The following PAX7 variants were observed in gnomAD, a reference collection of about 807,000 sequenced individuals.
PAX7 encodes the protein paired box protein Pax-7.
Under a neutral mutation model 50.7 loss-of-function variants are expected in PAX7, and 18 were observed. The ratio of observed to expected loss-of-function variants is 0.36; its 90% CI spans 0.25 to 0.53. The LOEUF is 0.53. Ranked by LOEUF, PAX7 falls within the 20% of genes least tolerant of loss-of-function variation. PAX7 has a pLI of 0.93. For missense variants in PAX7, 644 were observed against 702.9 expected, an observed-to-expected ratio of 0.92 and a Z score of 0.95; for synonymous variants, 310 against 290.4, an observed-to-expected ratio of 1.07 and a Z score of -0.69.
chr1:18,672,386 T>C (rs940545322), intron 4 of PAX7, among the ~76,000 whole-genome samples: 4 of 152,086 alleles, frequency 2.6e-5, no homozygotes, highest in Non-Finnish European at 4.4e-5. Flanking sequence ...CTTTTTTTTG[T>C]TTAGAAACAT....
chr1:18,744,004 C>T (rs1931288152), intron 8 of PAX7, among the ~76,000 whole-genome samples: 1 of 152,220 alleles, frequency 6.6e-6, no homozygotes, highest in African/African-American at 2.4e-5. Context: ...CTCAGGCACA[C>T]ACACCCTCAG....
intron 4 of PAX7, among the ~76,000 whole-genome samples, chr1:18,657,901 T>C (rs977418577): frequency 2.6e-5 from 4 of 152,114 alleles, no homozygotes; most frequent in African/African-American, 9.7e-5. Flanking sequence ...CCCAAAAGTT[T>C]ATTAAGGGAA....
rs180750065 is a variant in PAX7, at chr1:18,704,015, A to C, written c.1155+719A>C. On this transcript the variant is annotated intron_variant, in intron 7 of 8. Transcript: ENST00000420770. ...AAAGAGAGTCTGTAACTAACGTCTC[A>C]ACAAGAGGTGCTTGCCACATTCAAT... 8.9e-4 allele frequency among the ~76,000 whole-genome samples: 136 copies of C among 152,350 alleles called. 1 individual carries two copies. The highest frequency in any genetic ancestry group is 6.8e-3 in the South Asian group (33 of 4,826).
In PAX7 at chr1:18,635,243, G is replaced by T; in HGVS notation, c.451+3G>T. ...TGACCGAAGCACTGTGCCCTCAGGT[G>T]AGAAGGCAGCTGAGCCGGCAGAGCT... On this transcript the variant is annotated splice_donor_region_variant and intron_variant, in intron 3 of 8. Coordinates refer to ENST00000420770, the MANE Select transcript of PAX7 (RefSeq NM_001135254.2). 6.2e-7 allele frequency: 1 copy of T among 1,613,266 alleles called. No individual in the cohort carries two copies. Among genetic ancestry groups the T allele is most frequent in the South Asian group, 1.1e-5 (1 of 90,972 alleles).
At chr1:18,733,399 C>A (rs1465676365) in intron 7 of PAX7, among the ~76,000 whole-genome samples, 1 of 152,164 alleles carries the variant, frequency 6.6e-6, no homozygotes, top group East Asian at 1.9e-4. Flanking sequence ...TCCTGCCTCC[C>A]AGGCAGACTT....
At position 18,726,145 on chromosome 1, in the gene PAX7, AGTGTGTGT is replaced by A. The variant is rs35982827; in HGVS notation, c.1156-9460_1156-9453del. On this transcript the variant is annotated intron_variant, in intron 7 of 8. Transcript: ENST00000420770. The surrounding 1 kb of genome is among the most constrained non-coding windows in gnomAD (Gnocchi z 4.8). ...ATAAAACAGACATTGGAAGAGTGTG[AGTGTGTGT>A]GTGTGTGTGTGTGTGTGTGTGTGTG... Among the ~76,000 whole-genome samples, 330 of 137,612 alleles carry A rather than the reference AGTGTGTGT, an allele frequency of 2.4e-3. 4 individuals are homozygous for A. Among genetic ancestry groups the A allele is most frequent in the South Asian group, 4.4e-3 (18 of 4,048 alleles). 90.3% of individuals were successfully genotyped at this position (137,612 alleles called of 152,430 possible).
intron 4 of PAX7, among the ~76,000 whole-genome samples, chr1:18,670,763 A>G (rs776610966): frequency 7.9e-5 from 12 of 152,196 alleles, no homozygotes; most frequent in Non-Finnish European, 1.3e-4. Context: ...GGCCCGTGCG[A>G]GTCCCTCCAC....
At chr1:18,717,490 G>T (rs1461993611) in intron 7 of PAX7, among the ~76,000 whole-genome samples, 2 of 152,176 alleles carry the variant, frequency 1.3e-5, no homozygotes. Context: ...CGCTTAGCCA[G>T]CTCTGCTCAT....
intron 7 of PAX7, among the ~76,000 whole-genome samples, chr1:18,732,268 A>G (rs1486661650): frequency 6.6e-6 from 1 of 152,224 alleles, no homozygotes; most frequent in African/African-American, 2.4e-5. Context: ...CCAGGAGGAC[A>G]TGGGATTGGC....
chr1:18,670,516 A>G (rs1432199842), intron 4 of PAX7, among the ~76,000 whole-genome samples: 1 of 152,150 alleles, frequency 6.6e-6, no homozygotes, highest in African/African-American at 2.4e-5. Context: ...GCCCTAGCCC[A>G]GGCCTTGTTC....
intron 4 of PAX7, among the ~76,000 whole-genome samples, chr1:18,648,817 A>T (rs1380944415): frequency 6.6e-6 from 1 of 152,142 alleles, no homozygotes; most frequent in African/African-American, 2.4e-5. Context: ...CCGAGCCGAG[A>T]ATGTACCGGA....
At chr1:18,724,907 G>A (rs1265205686) in intron 7 of PAX7, among the ~76,000 whole-genome samples, 2 of 152,206 alleles carry the variant, frequency 1.3e-5, no homozygotes, top group African/African-American at 2.4e-5. Context: ...AGGCACTGAC[G>A]AAGGCAATAC....
intron 1 of PAX7, among the ~76,000 whole-genome samples, chr1:18,633,791 G>T (rs1557498180): frequency 6.6e-6 from 1 of 152,164 alleles, no homozygotes; most frequent in Non-Finnish European, 1.5e-5. Flanking sequence ...CAACAAACTG[G>T]ATCATTCATG....
chr1:18,729,628 T>C (rs1308294705), intron 7 of PAX7, among the ~76,000 whole-genome samples: 1 of 152,156 alleles, frequency 6.6e-6, no homozygotes. Context: ...CTGGATTCAG[T>C]TGTGTGTCCT....
chr1:18,649,613 G>C (rs539113199), intron 4 of PAX7, among the ~76,000 whole-genome samples: 5 of 148,160 alleles, frequency 3.4e-5, no homozygotes, highest in Non-Finnish European at 5.9e-5. Flanking sequence ...ACCCCACCCC[G>C]CTATCACCCA....
intron 7 of PAX7, among the ~76,000 whole-genome samples, chr1:18,705,400 G>C (rs515739): frequency 0.36 from 54,296 of 151,994 alleles, 9,872 homozygotes; most frequent in African/African-American, 0.38. Flanking sequence ...CAAATTTGGG[G>C]GAGTGTCCTT....
chr1:18,638,649 C>T (rs946554647), intron 4 of PAX7, among the ~76,000 whole-genome samples: 1 of 152,156 alleles, frequency 6.6e-6, no homozygotes, highest in Non-Finnish European at 1.5e-5. Context: ...GATCTGAATG[C>T]TGTAGGCCAT....
chr1:18,666,557 T>A (rs1557518183), intron 4 of PAX7, among the ~76,000 whole-genome samples: 3 of 152,168 alleles, frequency 2.0e-5, no homozygotes, highest in Non-Finnish European at 2.9e-5. Context: ...TCAGCTTTGA[T>A]CCTCTTAGCC....
chr1:18,723,161 G>A (rs11587489), intron 7 of PAX7, among the ~76,000 whole-genome samples: 6,462 of 152,248 alleles, frequency 0.042, 175 homozygotes, highest in Non-Finnish European at 0.048. Flanking sequence ...TCTAAGGAAT[G>A]GCCATCTGCT....
Sources: gnomAD v4.1 joint callset for allele counts (sites outside exome capture counted in the v4.1 genomes callset) on GRCh38, gnomAD v4.1.1 for gene constraint, Gnocchi (gnomAD v3.1) non-coding constraint, MANE v1.5 for transcripts, NCBI Gene and HGNC (gene_info 2026-07-23, HGNC 2026-07-21) for gene names.